CELF2: variants seen among roughly 807,000 people sequenced by gnomAD.
CELF2 encodes the protein CUGBP Elav-like family member 2, also known as CUG triplet repeat RNA-binding protein 2.
A neutral mutation model predicts 62.6 loss-of-function variants in CELF2; 8 were observed. The ratio of observed to expected loss-of-function variants is 0.13; its 90% confidence interval spans 0.07 to 0.23. The LOEUF (loss-of-function observed/expected upper bound fraction) is 0.23, where lower values mean the gene tolerates loss of function less well. Ranked by LOEUF, CELF2 falls within the 10% of genes least tolerant of loss-of-function variation. The pLI, the probability that CELF2 is intolerant of heterozygous loss-of-function variation, is 1.00. For missense variants in CELF2, 333 were observed against 671.0 expected (o/e 0.50, Z 5.56); for synonymous variants, 258 against 250.0 (o/e 1.03, Z -0.30).
chr10:10,892,384 T>A (rs2062208487), intron 1 of CELF2, among the ~76,000 whole-genome samples: 1 of 152,062 alleles, frequency 6.6e-6, no homozygotes, highest in South Asian at 2.1e-4. Context: ...CCAGAGCTCC[T>A]CATCTCCTTG....
intron 2 of CELF2, among the ~76,000 whole-genome samples, chr10:11,167,404 C>T (rs900030371): frequency 1.3e-5 from 2 of 152,200 alleles, no homozygotes; most frequent in African/African-American, 2.4e-5. Flanking sequence ...AAGGAAAATG[C>T]GACTCCAAAT....
chr10:10,519,118 G>A, the CELF2 span, among the ~76,000 whole-genome samples: 1 of 152,186 alleles, frequency 6.6e-6, no homozygotes, highest in Non-Finnish European at 1.5e-5. Flanking sequence ...CCATAAGCTA[G>A]GAACAGAATT....
chr10:11,206,301 T>A (rs951585492), intron 2 of CELF2, among the ~76,000 whole-genome samples: 15 of 152,184 alleles, frequency 9.9e-5, no homozygotes, highest in African/African-American at 3.6e-4. Flanking sequence ...TTGAGAATCG[T>A]AGGAAAATAG....
intron 9 of CELF2, among the ~76,000 whole-genome samples, chr10:11,298,834 G>A (rs2093440818): frequency 2.0e-5 from 3 of 152,140 alleles, no homozygotes; most frequent in South Asian, 2.1e-4. Context: ...CAGAAGACTA[G>A]GTTAAAACTA....
At chr10:10,740,368 T>C in the CELF2 span, among the ~76,000 whole-genome samples, 254 of 152,282 alleles carry the variant, frequency 1.7e-3, 2 homozygotes, top group East Asian at 0.019. Flanking sequence ...GCACCACTTA[T>C]TGAACAGACT....
chr10:10,770,672 AC>A, the CELF2 span, among the ~76,000 whole-genome samples: 1 of 143,068 alleles, frequency 7.0e-6, no homozygotes. Flanking sequence ...CCCACTCCTC[AC>A]CCCAGGCCCC....
intron 3 of CELF2, among the ~76,000 whole-genome samples, chr10:11,248,150 C>T (rs2076168621): frequency 6.6e-6 from 1 of 152,222 alleles, no homozygotes; most frequent in Non-Finnish European, 1.5e-5. Context: ...ATTCCTTCCA[C>T]CCCGTGGCTC....
At chr10:11,230,147 C>T (rs1014560580) in intron 3 of CELF2, among the ~76,000 whole-genome samples, 2 of 152,140 alleles carry the variant, frequency 1.3e-5, no homozygotes, top group Non-Finnish European at 2.9e-5. Flanking sequence ...GCAGGCCCTC[C>T]CCCAGGACCT....
chr10:10,973,334 G>A (rs1316425858), intron 2 of CELF2, among the ~76,000 whole-genome samples: 2 of 152,014 alleles, frequency 1.3e-5, no homozygotes, highest in African/African-American at 4.8e-5. Flanking sequence ...CATACTCTTA[G>A]GGGATATGAC....
intron 2 of CELF2, among the ~76,000 whole-genome samples, chr10:11,169,577 G>C (rs976069153): frequency 2.0e-5 from 3 of 152,032 alleles, no homozygotes; most frequent in Non-Finnish European, 2.9e-5. Context: ...GAGAAGGGAA[G>C]GCCACAAAGC....
At chr10:10,843,602 G>C (rs1318422480) in intron 1 of CELF2, among the ~76,000 whole-genome samples, 1 of 151,822 alleles carries the variant, frequency 6.6e-6, no homozygotes, top group Non-Finnish European at 1.5e-5. Flanking sequence ...ATCTATCTTG[G>C]TGAATTTTCC....
chr10:11,066,469 C>T (rs2068200445), intron 1 of CELF2, among the ~76,000 whole-genome samples: 1 of 152,052 alleles, frequency 6.6e-6, no homozygotes, highest in Non-Finnish European at 1.5e-5. Flanking sequence ...ACCTGAGGAC[C>T]TCAGGTCACT....
Position 10,934,183 on chromosome 10 carries a change from C to G in CELF2, c.89+14184C>G, listed in dbSNP as rs141184980. ...ATTGTGATTTGCTTTGTTTTGTTTT[C>G]AATACCAGTAGGGGCATTGGAACAG... is the stretch of plus-strand genomic sequence containing the variant. On this transcript the variant is annotated intron_variant, in intron 2 of 13. Coordinates refer to the CELF2 transcript ENST00000636488. This position sits in a 1 kb window ranked among gnomAD's most constrained non-coding sequence, Gnocchi z 4.4. Among the ~76,000 whole-genome samples the G allele has an allele frequency of 4.3e-3, 650 of 152,170 alleles. 2 individuals are homozygous for G. The highest frequency in any genetic ancestry group is 0.012 in the African/African-American group (494 of 41,514).
chr10:11,018,042 C>T lies in CELF2; in HGVS notation c.-48C>T. The T allele has an allele frequency of 7.9e-7, 1 of 1,272,332 alleles. No homozygotes were observed. The allele number at this position is 1,272,332 out of a possible 1,614,324, so 78.8% of individuals were successfully genotyped here. A position where few individuals can be genotyped will look rare whatever the true frequency, so the allele number is the denominator to read the frequency against. On this transcript the variant is annotated 5_prime_UTR_variant, in exon 1 of 13. The change creates a new upstream start codon in the 5' untranslated region. Coordinates refer to ENST00000633077, the MANE Select transcript of CELF2 (RefSeq NM_001326342.2). Reference sequence around the variant, plus strand: ...CTCGCGCCGCCCGCGGCCGCTCGGACGCGCGCAGAGCCGCCCCCCGCCGCT... The same window carrying T: ...CTCGCGCCGCCCGCGGCCGCTCGGATGCGCGCAGAGCCGCCCCCCGCCGCT...
intron 1 of CELF2, among the ~76,000 whole-genome samples, chr10:10,842,442 C>T (rs1414148477): frequency 2.6e-5 from 4 of 151,926 alleles, no homozygotes; most frequent in East Asian, 1.9e-4. Flanking sequence ...AATATATGCT[C>T]TTTATCAAAT....
intron 1 of CELF2, among the ~76,000 whole-genome samples, chr10:11,140,932 G>A (rs1480070688): frequency 6.6e-6 from 1 of 152,210 alleles, no homozygotes; most frequent in African/African-American, 2.4e-5. Context: ...TGGGAAGGTC[G>A]CTTGCGCCGG....
chr10:11,022,068 A>G (rs1372940406), intron 1 of CELF2, among the ~76,000 whole-genome samples: 1 of 152,208 alleles, frequency 6.6e-6, no homozygotes, highest in African/African-American at 2.4e-5. Flanking sequence ...TTTAAAGTCT[A>G]TTTAGAAAAT....
At chr10:11,085,111 G>A (rs894552560) in intron 1 of CELF2, among the ~76,000 whole-genome samples, 2 of 152,090 alleles carry the variant, frequency 1.3e-5, no homozygotes, top group Non-Finnish European at 2.9e-5. Flanking sequence ...TTGAGAATAT[G>A]GCAGTGATTT....
At chr10:11,195,538 C>T (rs868160295) in intron 2 of CELF2, among the ~76,000 whole-genome samples, 2 of 152,186 alleles carry the variant, frequency 1.3e-5, no homozygotes, top group Admixed American at 6.5e-5. Flanking sequence ...AAGGCAGTGT[C>T]ACTAAGGGAA....
Sources: gnomAD v4.1 joint callset for allele counts (sites outside exome capture counted in the v4.1 genomes callset) on GRCh38, gnomAD v4.1.1 for gene constraint, Gnocchi (gnomAD v3.1) non-coding constraint, MANE v1.5 for transcripts, NCBI Gene and HGNC (gene_info 2026-07-23, HGNC 2026-07-21) for gene names.